Variants in RCAN2 observed in about 807,000 individuals in gnomAD.
RCAN2 encodes the protein regulator of calcineurin 2, also known as calcipressin-2.
A neutral mutation model predicts 23.6 loss-of-function variants in RCAN2; 9 were observed. The ratio of observed to expected loss-of-function variants is 0.38; its 90% CI spans 0.23 to 0.67. The LOEUF (loss-of-function observed/expected upper bound fraction) is 0.67. Among genes scored for constraint, RCAN2 ranks in the 30% least tolerant of loss-of-function variants. RCAN2 has a pLI of 0.51. For synonymous variants in RCAN2, 109 were observed against 115.7 expected, an observed-to-expected ratio of 0.94 and a Z score of 0.37; for missense variants, 273 against 302.3, an observed-to-expected ratio of 0.90 and a Z score of 0.72.
intron 2 of RCAN2, among the ~76,000 whole-genome samples, chr6:46,391,089 T>C (rs1243891521): frequency 1.1e-4 from 17 of 152,214 alleles, no homozygotes; most frequent in Non-Finnish European, 2.9e-5. Context: ...ATAGCTCAGC[T>C]CCACTTTCTT....
intron 2 of RCAN2, among the ~76,000 whole-genome samples, chr6:46,252,589 A>G (rs1182431587): frequency 1.3e-5 from 2 of 152,108 alleles, no homozygotes; most frequent in East Asian, 3.8e-4. Flanking sequence ...GAAAATATTT[A>G]TATATAAATC....
chr6:46,411,096 A>C (rs562177811), intron 2 of RCAN2, among the ~76,000 whole-genome samples: 73 of 152,368 alleles, frequency 4.8e-4, no homozygotes, highest in Admixed American at 2.0e-3. Context: ...ATCATATAGA[A>C]TAGCCGATAG....
At chr6:46,267,798 A>C (rs1427920313) in intron 2 of RCAN2, among the ~76,000 whole-genome samples, 1 of 152,228 alleles carries the variant, frequency 6.6e-6, no homozygotes, top group Non-Finnish European at 1.5e-5. Flanking sequence ...ACAAATCTCA[A>C]GAAAAATAAA....
rs182743640 is a variant in RCAN2 at position 46,419,358 on chromosome 6, C to T, written c.225+37394G>A. On this transcript the variant is annotated intron_variant, in intron 2 of 4. Coordinates refer to ENST00000371374, the MANE Select transcript of RCAN2 (RefSeq NM_001251974.2). ...GATTCTGCTAGAGCTTGAGAACCAC[C>T]GGTTTAGAAGGCCTAGTATGCTCTT... 1.2e-3 allele frequency among the ~76,000 whole-genome samples: 184 copies of T among 152,252 alleles called. 1 individual carries two copies. The highest frequency in any genetic ancestry group is 1.4e-3 in the African/African-American group (59 of 41,554).
chr6:46,231,194 T>A (rs921630638), intron 4 of RCAN2, among the ~76,000 whole-genome samples: 2 of 152,090 alleles, frequency 1.3e-5, no homozygotes, highest in African/African-American at 4.8e-5. Flanking sequence ...AAAAAGGAAG[T>A]TTGGACATTG....
At chr6:46,369,482 G>A (rs920586622) in intron 2 of RCAN2, among the ~76,000 whole-genome samples, 3 of 152,072 alleles carry the variant, frequency 2.0e-5, no homozygotes, top group African/African-American at 7.2e-5. Flanking sequence ...CACCACAAAC[G>A]TGAGTAATAC....
In RCAN2 at chr6:46,397,840, C is replaced by T. The variant is rs1375510545; in HGVS notation, c.225+58912G>A. Among the ~76,000 whole-genome samples, 3 of 152,132 alleles carry T rather than the reference C, an allele frequency of 2.0e-5. No individual in the cohort carries two copies. The East Asian group carries it at 5.8e-4, about 29-fold the overall frequency. ...TTTATTCATTTTAACATGTTTGATTCATATAATTAACACGTGAAAAAATCT... is the reference window on the plus strand; with the variant it reads ...TTTATTCATTTTAACATGTTTGATTTATATAATTAACACGTGAAAAAATCT... On this transcript the variant is annotated intron_variant, in intron 2 of 4. Transcript: ENST00000371374.
At chr6:46,384,574 A>C (rs1765693191) in intron 2 of RCAN2, among the ~76,000 whole-genome samples, 1 of 152,344 alleles carries the variant, frequency 6.6e-6, no homozygotes, top group South Asian at 2.1e-4. Flanking sequence ...AGAGAAGGGA[A>C]CTGGGGTTAA....
At chr6:46,311,147 C>T (rs146139437) in intron 2 of RCAN2, among the ~76,000 whole-genome samples, 304 of 152,286 alleles carry the variant, frequency 2.0e-3, no homozygotes, top group African/African-American at 7.1e-3. Context: ...GGCCAGGGTT[C>T]CAGCCCACGC....
intron 4 of RCAN2, among the ~76,000 whole-genome samples, chr6:46,224,493 A>G (rs144399768): frequency 1.3e-5 from 2 of 152,118 alleles, no homozygotes; most frequent in East Asian, 3.9e-4. Flanking sequence ...TTTTGGTCAA[A>G]CTGGTTTATC....
chr6:46,253,756 G>A (rs778658880), intron 2 of RCAN2, among the ~76,000 whole-genome samples: 31 of 152,084 alleles, frequency 2.0e-4, no homozygotes, highest in Non-Finnish European at 4.1e-4. Context: ...ACAATGGACT[G>A]CATATCTGAC....
chr6:46,253,715 A>G (rs887966653), intron 2 of RCAN2, among the ~76,000 whole-genome samples: 2 of 152,176 alleles, frequency 1.3e-5, no homozygotes, highest in Non-Finnish European at 2.9e-5. Flanking sequence ...ATAGAAATAC[A>G]GTCATGCACT....
chr6:46,431,409 A>G (rs1356489556), intron 2 of RCAN2, among the ~76,000 whole-genome samples: 2 of 152,226 alleles, frequency 1.3e-5, no homozygotes, highest in East Asian at 3.9e-4. Context: ...CTCTAGAGAA[A>G]AAAATAACAT....
intron 1 of RCAN2, among the ~76,000 whole-genome samples, chr6:46,486,193 CAG>C (rs1768984708): frequency 6.6e-6 from 1 of 152,184 alleles, no homozygotes; most frequent in South Asian, 2.1e-4. Flanking sequence ...AACTGCAACT[CAG>C]AGAACCGGCA....
At chr6:46,277,494 T>G (rs1767754678) in intron 2 of RCAN2, among the ~76,000 whole-genome samples, 1 of 152,146 alleles carries the variant, frequency 6.6e-6, no homozygotes, top group Admixed American at 6.5e-5. Context: ...GCCCTATCAA[T>G]GGATCATGAA....
In RCAN2 at chr6:46,321,352, C is replaced by T. The variant is rs375649714; in HGVS notation, c.226-72456G>A. On this transcript the variant is annotated intron_variant, in intron 2 of 4. Coordinates refer to ENST00000371374, the MANE Select transcript of RCAN2 (RefSeq NM_001251974.2). ...GCTCCGTGAGGGCAGGGACGTTTAT[C>T]GAACTCCTAGGCCTAGAGCATTGCC... Among the ~76,000 whole-genome samples, 239 of 152,328 alleles carry T rather than the reference C, an allele frequency of 1.6e-3. 2 individuals carry two copies. The South Asian group carries it at 0.032, about 20-fold the overall frequency.
intron 2 of RCAN2, among the ~76,000 whole-genome samples, chr6:46,336,860 G>T (rs1326771422): frequency 1.3e-5 from 2 of 150,816 alleles, no homozygotes; most frequent in African/African-American, 4.9e-5. Flanking sequence ...ACACCACGGA[G>T]ATAAAGTGTT....
rs80325209 is a variant in RCAN2 at position 46,322,857 on chromosome 6, C to A, written c.226-73961G>T. Among the ~76,000 whole-genome samples, 289 of 152,318 alleles carry A rather than the reference C, an allele frequency of 1.9e-3. 3 individuals are homozygous for A. The highest frequency in any genetic ancestry group is 6.8e-3 in the African/African-American group (282 of 41,572). On this transcript the variant is annotated intron_variant, in intron 2 of 4. Transcript: ENST00000371374. ...GCTTTGTTTGGTGCCTAGAATTTTA[C>A]GTTTGAACCTTTCTTCGTGATAAGA...
At chr6:46,424,668 G>A (rs759694578) in intron 2 of RCAN2, among the ~76,000 whole-genome samples, 3 of 152,048 alleles carry the variant, frequency 2.0e-5, no homozygotes, top group Admixed American at 6.6e-5. Flanking sequence ...GAGCAGAGGC[G>A]GCAATGTGTG....
Sources: allele counts gnomAD v4.1 joint callset (sites outside exome capture counted in the v4.1 genomes callset), GRCh38; gene constraint gnomAD v4.1.1; transcripts MANE v1.5; gene names NCBI Gene and HGNC (gene_info 2026-07-23, HGNC 2026-07-21).